The following SDC2 variants were observed in gnomAD, a reference collection of about 807,000 sequenced individuals.
The protein encoded by SDC2 is syndecan-2.
SDC2 carries 13 observed loss-of-function variants against 22.2 expected under a neutral mutation model. The ratio of observed to expected loss-of-function variants is 0.59; its 90% CI spans 0.38 to 0.93. The LOEUF is 0.93. Ranked by LOEUF, SDC2 falls within the 40% of genes least tolerant of loss-of-function variation. The pLI is 0.00. For missense variants in SDC2, 235 were observed against 246.8 expected (o/e 0.95, Z 0.32); for synonymous variants, 94 against 92.8 (o/e 1.01, Z -0.07).
chr8:96,533,361 T>G (rs1316271291), intron 1 of SDC2, among the ~76,000 whole-genome samples: 4 of 152,316 alleles, frequency 2.6e-5, no homozygotes, highest in African/African-American at 4.8e-5. Context: ...GAGAGCTGAT[T>G]GGTCTGTTTT....
At chr8:96,498,226 A>G (rs1352447913) in intron 1 of SDC2, among the ~76,000 whole-genome samples, 1 of 152,216 alleles carries the variant, frequency 6.6e-6, no homozygotes, top group Non-Finnish European at 1.5e-5. Context: ...TGAGCAAACC[A>G]GGCAGATATC....
intron 1 of SDC2, among the ~76,000 whole-genome samples, chr8:96,560,460 A>G (rs1222834501): frequency 1.3e-5 from 2 of 152,176 alleles, no homozygotes; most frequent in African/African-American, 4.8e-5. Flanking sequence ...TAACTGAATT[A>G]TTTTATTAAA....
intron 1 of SDC2, among the ~76,000 whole-genome samples, chr8:96,542,879 C>G (rs906565251): frequency 2.6e-5 from 4 of 152,112 alleles, no homozygotes; most frequent in African/African-American, 9.7e-5. Context: ...TAATAGCTCC[C>G]CCTTTAAGAG....
chr8:96,496,340 C>T (rs536466913), intron 1 of SDC2, among the ~76,000 whole-genome samples: 1 of 152,308 alleles, frequency 6.6e-6, no homozygotes, highest in South Asian at 2.1e-4. Flanking sequence ...GAACTGGATG[C>T]TTTCCGAGTG....
intron 1 of SDC2, among the ~76,000 whole-genome samples, chr8:96,554,584 C>T (rs1324583826): frequency 6.6e-6 from 1 of 152,064 alleles, no homozygotes; most frequent in African/African-American, 2.4e-5. Flanking sequence ...TTTTCACAGC[C>T]TTGCTCCGAG....
rs150809021 is a variant in SDC2 at position 96,594,918 on chromosome 8, A to G, written c.172+1327A>G. On this transcript the variant is annotated intron_variant, in intron 2 of 4. Coordinates refer to ENST00000302190, the MANE Select transcript of SDC2 (RefSeq NM_002998.4). ...GAGAACTCACTGTCATGAGAACAGCATGAGGGTAACTACTCCCATGAGTCA... is the reference window on the plus strand; with the variant it reads ...GAGAACTCACTGTCATGAGAACAGCGTGAGGGTAACTACTCCCATGAGTCA... 6.6e-5 allele frequency among the ~76,000 whole-genome samples: 10 copies of G among 152,322 alleles called. No homozygotes were observed. In the East Asian group the frequency reaches 1.9e-3, roughly 29 times the overall value.
chr8:96,552,884 TAGAAAGTA>T (rs1814049756), intron 1 of SDC2, among the ~76,000 whole-genome samples: 1 of 152,220 alleles, frequency 6.6e-6, no homozygotes, highest in Non-Finnish European at 1.5e-5. Context: ...AGTATCTTCT[TAGAAAGTA>T]ATGTTTCTCC....
At chr8:96,499,454 C>T (rs1181305586) in intron 1 of SDC2, among the ~76,000 whole-genome samples, 1 of 152,116 alleles carries the variant, frequency 6.6e-6, no homozygotes, top group Admixed American at 6.6e-5. Flanking sequence ...ACAGCATTAC[C>T]CCTTAATTAT....
intron 1 of SDC2, among the ~76,000 whole-genome samples, chr8:96,540,528 T>G (rs1813831306): frequency 6.8e-6 from 1 of 147,466 alleles, no homozygotes; most frequent in Non-Finnish European, 1.5e-5. Context: ...AAAAAATCTG[T>G]ATGGTAACTT....
intron 1 of SDC2, among the ~76,000 whole-genome samples, chr8:96,578,637 A>G (rs1047710212): frequency 2.0e-5 from 3 of 152,278 alleles, no homozygotes; most frequent in African/African-American, 7.2e-5. Context: ...GCTTAAGATG[A>G]CTTTGGGGAT....
intron 1 of SDC2, among the ~76,000 whole-genome samples, chr8:96,563,567 C>T (rs948163577): frequency 1.6e-4 from 24 of 152,148 alleles, no homozygotes; most frequent in Admixed American, 5.2e-4. Flanking sequence ...GCAGGGAACA[C>T]GGGGCCCAAC....
At chr8:96,599,087 G>A (rs191324478) in intron 2 of SDC2, among the ~76,000 whole-genome samples, 4 of 151,436 alleles carry the variant, frequency 2.6e-5, no homozygotes, top group African/African-American at 7.3e-5. Context: ...GACTACAGGC[G>A]CCCACCACCA....
chr8:96,576,384 G>GTTTTTTTTTTTTTTT (rs1236267155), intron 1 of SDC2, among the ~76,000 whole-genome samples: 1 of 50,960 alleles, frequency 2.0e-5, no homozygotes, highest in Non-Finnish European at 3.8e-5. Context: ...GTTTTGTTTT[G>GTTTTTTTTTTTTTTT]TTTTTTTTTA....
chr8:96,520,906 T>C (rs976120411), intron 1 of SDC2, among the ~76,000 whole-genome samples: 4 of 152,020 alleles, frequency 2.6e-5, no homozygotes, highest in Non-Finnish European at 5.9e-5. Flanking sequence ...CAAAACAATA[T>C]GGAGGTTAAA....
chr8:96,575,254 T>C (rs948482900), intron 1 of SDC2, among the ~76,000 whole-genome samples: 3 of 152,118 alleles, frequency 2.0e-5, no homozygotes, highest in Non-Finnish European at 4.4e-5. Flanking sequence ...CTGGCATCTC[T>C]TTGACTTCAG....
chr8:96,585,356 AT>A (rs1476389791), intron 1 of SDC2, among the ~76,000 whole-genome samples: 1 of 152,146 alleles, frequency 6.6e-6, no homozygotes, highest in African/African-American at 2.4e-5. Flanking sequence ...AGCTGGTTTT[AT>A]TCAGTTAAGA....
intron 1 of SDC2, among the ~76,000 whole-genome samples, chr8:96,581,058 T>A (rs1367664735): frequency 6.6e-6 from 1 of 152,214 alleles, no homozygotes; most frequent in African/African-American, 2.4e-5. Flanking sequence ...GTTTTGCTTT[T>A]CTTCGTCTTC....
At chr8:96,534,677 T>A (rs1813723665) in intron 1 of SDC2, among the ~76,000 whole-genome samples, 1 of 151,958 alleles carries the variant, frequency 6.6e-6, no homozygotes, top group African/African-American at 2.4e-5. Flanking sequence ...ACTCAGCCAG[T>A]CTTCCTACCT....
chr8:96,533,660 C>A (rs934338804), intron 1 of SDC2, among the ~76,000 whole-genome samples: 2 of 152,162 alleles, frequency 1.3e-5, no homozygotes, highest in East Asian at 3.9e-4. Context: ...ACACAGAGTG[C>A]TGATTGGGGC....
Sources: allele counts gnomAD v4.1 joint callset (sites outside exome capture counted in the v4.1 genomes callset), GRCh38; gene constraint gnomAD v4.1.1; transcripts MANE v1.5; gene names NCBI Gene and HGNC (gene_info 2026-07-23, HGNC 2026-07-21).